RELN: variants seen among roughly 807,000 people sequenced by gnomAD.
RELN encodes the protein reelin.
RELN carries 108 observed loss-of-function variants against 427.6 expected under a neutral mutation model. The ratio of observed to expected loss-of-function variants is 0.25; its 90% CI spans 0.22 to 0.30. The LOEUF is 0.30. Ranked by LOEUF, RELN falls within the 10% of genes least tolerant of loss-of-function variation. RELN has a pLI of 1.00. For synonymous variants in RELN, 1,524 were observed against 1,513.4 expected, an observed-to-expected ratio of 1.01 and a Z score of -0.16; for missense variants, 3,715 against 4,302.8, an observed-to-expected ratio of 0.86 and a Z score of 3.82.
chr7:103,507,842 T>C (rs138529832), intron 51 of RELN, among the ~76,000 whole-genome samples: 15 of 152,052 alleles, frequency 9.9e-5, no homozygotes, highest in African/African-American at 1.9e-4. Flanking sequence ...TAAAAAATGA[T>C]AAAGGGGATA....
intron 11 of RELN, among the ~76,000 whole-genome samples, chr7:103,675,407 A>G (rs1833494859): frequency 6.6e-6 from 1 of 152,226 alleles, no homozygotes; most frequent in African/African-American, 2.4e-5. Context: ...CAAATGGAAG[A>G]ACATTCCATG....
chr7:103,539,050 T>C (rs1830118421), intron 45 of RELN, 28 bp downstream of exon 45: 1 of 1,612,952 alleles, frequency 6.2e-7, no homozygotes, highest in African/African-American at 1.3e-5. Flanking sequence ...CACATGCCTG[T>C]CCCTCTATCT....
chr7:103,828,334 G>T (rs966797650), intron 3 of RELN, among the ~76,000 whole-genome samples: 1 of 151,928 alleles, frequency 6.6e-6, no homozygotes, highest in Non-Finnish European at 1.5e-5. Context: ...TGTACTTTAA[G>T]AAAACTATCC....
chr7:103,634,928 G>A (rs1287038849), intron 19 of RELN, among the ~76,000 whole-genome samples: 3 of 151,392 alleles, frequency 2.0e-5, no homozygotes, highest in African/African-American at 7.3e-5. Context: ...GTGCAATCTC[G>A]GCTCACTGCA....
intron 49 of RELN, among the ~76,000 whole-genome samples, chr7:103,516,286 C>CG (rs1829564959): frequency 7.1e-6 from 1 of 141,134 alleles, no homozygotes; most frequent in African/African-American, 2.6e-5. Context: ...CACAAAGTAT[C>CG]TTTTTTTTTT....
intron 6 of RELN, among the ~76,000 whole-genome samples, chr7:103,745,638 C>A (rs563723138): frequency 6.6e-6 from 1 of 151,240 alleles, no homozygotes; most frequent in South Asian, 2.1e-4. Flanking sequence ...AAACAGAGAG[C>A]CAAATCATGA....
chr7:103,535,464 C>T lies in RELN; in HGVS notation c.7201G>A (p.Val2401Ile), dbSNP rs2117118477. 1 of 1,614,066 alleles carries T rather than the reference C, an allele frequency of 6.2e-7. No homozygotes were observed. The change falls in exon 46 of 65, where the codon GTA (valine) becomes ATA (isoleucine). Residue 2401 changes from valine (V) to isoleucine (I), a missense_variant. By Grantham distance (29) the Val-to-Ile change is conservative. Around this residue, in one of 4 missense-constraint regions of RELN, gnomAD observed 1,310 missense variants for 1,643.0 expected, o/e 0.80. Coordinates refer to ENST00000428762, the MANE Select transcript of RELN (RefSeq NM_005045.4). ...GGGTGCCATGACAATCCAAGATCTA[C>T]TGAGTATTCCAATTCAATCGCTGAA... ...SCYAIELEYS[V>I]DLGLSWHPLV... is the part of the protein sequence containing the mutation.
rs563616733 is a variant in RELN at position 103,719,368 on chromosome 7, CT to C, written c.805+3771del. ...GCAGGGATTCTCCTTCCTAAGAAGC[CT>C]TCCTCAAGAACCTCATTAGGCACTG... On this transcript the variant is annotated intron_variant, in intron 8 of 64. Coordinates refer to ENST00000428762, the MANE Select transcript of RELN (RefSeq NM_005045.4). Among the ~76,000 whole-genome samples, 332 of 152,234 alleles carry C rather than the reference CT, an allele frequency of 2.2e-3. 2 individuals are homozygous for C. The highest frequency in any genetic ancestry group is 7.6e-3 in the African/African-American group (317 of 41,536).
intron 2 of RELN, among the ~76,000 whole-genome samples, chr7:103,873,281 T>G (rs574820942): frequency 0.011 from 1,566 of 137,306 alleles, 23 homozygotes; most frequent in African/African-American, 0.027. Flanking sequence ...CACCCTAACA[T>G]CACAATTAAA....
At chr7:103,622,337 AT>A in intron 20 of RELN, among the ~76,000 whole-genome samples, 1 of 152,326 alleles carries the variant, frequency 6.6e-6, no homozygotes, top group South Asian at 2.1e-4. Flanking sequence ...ATATCTTCAA[AT>A]AGTCCATTCA....
rs1795980238 is a variant in RELN at position 103,936,188 on chromosome 7, G to T, written c.227-19003C>A. On this transcript the variant is annotated intron_variant, in intron 1 of 64. Coordinates refer to ENST00000428762, the MANE Select transcript of RELN (RefSeq NM_005045.4). ...GCTCACTGAGACCTCCACCTCCCAGGTGCAAGAAATTCTCGTGCCTCAGCC... is the reference window on the plus strand; with the variant it reads ...GCTCACTGAGACCTCCACCTCCCAGTTGCAAGAAATTCTCGTGCCTCAGCC... Among the ~76,000 whole-genome samples the T allele has an allele frequency of 3.3e-5, 5 of 151,192 alleles. No homozygotes were observed. The South Asian group carries it at 1.0e-3, about 32-fold the overall frequency.
intron 31 of RELN, among the ~76,000 whole-genome samples, chr7:103,570,586 C>T (rs1435042340): frequency 6.6e-6 from 1 of 152,218 alleles, no homozygotes; most frequent in Non-Finnish European, 1.5e-5. Context: ...CCCCTGAGGG[C>T]AGGGATCTAC....
intron 2 of RELN, among the ~76,000 whole-genome samples, chr7:103,895,236 G>T (rs1207154987): frequency 6.6e-6 from 1 of 151,978 alleles, no homozygotes; most frequent in Non-Finnish European, 1.5e-5. Flanking sequence ...TACATCTTCT[G>T]GGCAAATTGT....
At chr7:103,917,422 T>C (rs1462427719) in intron 1 of RELN, among the ~76,000 whole-genome samples, 1 of 152,164 alleles carries the variant, frequency 6.6e-6, no homozygotes, top group East Asian at 1.9e-4. Context: ...TCTGCATTCA[T>C]TTACACATTT....
At position 103,798,459 on chromosome 7, in the gene RELN, G is replaced by C. The variant is rs549843847; in HGVS notation, c.474-21832C>G. Among the ~76,000 whole-genome samples, 12 of 152,252 alleles carry C rather than the reference G, an allele frequency of 7.9e-5. No individual in the cohort carries two copies. In the South Asian group the frequency reaches 1.7e-3, roughly 21 times the overall value. On this transcript the variant is annotated intron_variant, in intron 3 of 64. Coordinates refer to ENST00000428762, the MANE Select transcript of RELN (RefSeq NM_005045.4). ...AATGCCCATGAATATCTGCCTGGCAGGTAATCATGCCTGTCACTCAAAAGG... is the reference window on the plus strand; with the variant it reads ...AATGCCCATGAATATCTGCCTGGCACGTAATCATGCCTGTCACTCAAAAGG...
At chr7:103,837,047 CTATTT>C (rs1793427841) in intron 2 of RELN, among the ~76,000 whole-genome samples, 1 of 152,152 alleles carries the variant, frequency 6.6e-6, no homozygotes, top group Non-Finnish European at 1.5e-5. Context: ...TTTCTTTCTA[CTATTT>C]TATTTTCACA....
At chr7:103,618,070 C>T (rs1164978073) in intron 20 of RELN, among the ~76,000 whole-genome samples, 1 of 152,178 alleles carries the variant, frequency 6.6e-6, no homozygotes, top group Non-Finnish European at 1.5e-5. Context: ...CCAAATAAAC[C>T]TCTTTTCTTT....
At chr7:103,842,647 T>C (rs1050775756) in intron 2 of RELN, among the ~76,000 whole-genome samples, 2 of 152,236 alleles carry the variant, frequency 1.3e-5, no homozygotes, top group African/African-American at 4.8e-5. Context: ...ATATACACTG[T>C]GTATATTTAC....
intron 1 of RELN, among the ~76,000 whole-genome samples, chr7:103,949,883 G>T (rs966023340): frequency 3.9e-5 from 6 of 152,140 alleles, no homozygotes; most frequent in African/African-American, 1.4e-4. Context: ...TCAGTGAACT[G>T]AATTTATATT....
Sources: gnomAD v4.1 joint callset for allele counts (sites outside exome capture counted in the v4.1 genomes callset) on GRCh38, gnomAD v4.1.1 for gene constraint, gnomAD v4.1.1 regional missense constraint, MANE v1.5 for transcripts, NCBI Gene and HGNC (gene_info 2026-07-23, HGNC 2026-07-21) for gene names.